CELF4: variants seen among roughly 807,000 people sequenced by gnomAD.
CELF4 encodes CUG-BP- and ETR-3-like factor 4.
Under a neutral mutation model 59.9 loss-of-function variants are expected in CELF4, and 18 were observed. That is an observed-to-expected ratio of 0.30 (90% CI 0.21 to 0.45). The LOEUF (loss-of-function observed/expected upper bound fraction) is 0.45. Ranked by LOEUF, CELF4 falls within the 20% of genes least tolerant of loss-of-function variation. CELF4 has a pLI of 1.00. For missense variants in CELF4, 456 were observed against 689.0 expected (o/e 0.66, Z 3.79); for synonymous variants, 261 against 267.1 (o/e 0.98, Z 0.22).
rs574114570 is a variant in CELF4 at position 37,434,059 on chromosome 18, G to A, written c.369+51466C>T. 1.3e-3 allele frequency among the ~76,000 whole-genome samples: 193 copies of A among 152,350 alleles called. 1 individual carries two copies. The highest frequency in any genetic ancestry group is 4.5e-3 in the African/African-American group (188 of 41,574). On this transcript the variant is annotated intron_variant, in intron 2 of 12. Transcript: ENST00000420428. ...TACAGGCATCTGGGTGCCAAGGGCCGGACTAACAGGGCTTGGTATCTGACG... is the reference window on the plus strand; with the variant it reads ...TACAGGCATCTGGGTGCCAAGGGCCAGACTAACAGGGCTTGGTATCTGACG...
rs36008798 is a variant in CELF4, at chr18:37,441,273, CTGTGTGTG to C, written c.369+44244_369+44251del. ...CCCTACCTCCCAGAACTCAACAATG[CTGTGTGTG>C]TGTGTGTGTGTGTGTGTGTGTGTGT... On this transcript the variant is annotated intron_variant, in intron 2 of 12. Transcript: ENST00000420428. Among the ~76,000 whole-genome samples the C allele has an allele frequency of 2.2e-3, 310 of 143,418 alleles. 1 individual carries two copies. The highest frequency in any genetic ancestry group is 6.5e-3 in the African/African-American group (248 of 38,310). 94.1% of individuals were successfully genotyped at this position (143,418 alleles called of 152,430 possible). A position where few individuals can be genotyped will look rare whatever the true frequency, so the allele number is the denominator to read the frequency against.
At chr18:37,523,502 C>T (rs758935171) in intron 1 of CELF4, among the ~76,000 whole-genome samples, 1 of 152,170 alleles carries the variant, frequency 6.6e-6, no homozygotes, top group East Asian at 1.9e-4. Flanking sequence ...TTGGTGACCC[C>T]GGCTGGGGAG....
rs907024441 is a variant in CELF4, at chr18:37,266,554, C to T, written c.1144G>A (p.Gly382Arg). ...TAACGACCTGCATACTGCTGCACTC[C>T]GGCGTAGGCCTGCTGCAGGGGGTCC... ...AADPLQQAYA[G>R]VQQYAGPAAY... The change falls in exon 9 of 13, where the codon GGA becomes AGA. Residue 382 changes from glycine (G) to arginine (R), a missense_variant. Coordinates refer to ENST00000420428, the MANE Select transcript of CELF4 (RefSeq NM_020180.4). 9 of 1,596,922 alleles carry T rather than the reference C, an allele frequency of 5.6e-6. No individual in the cohort carries two copies. The highest frequency in any genetic ancestry group is 1.8e-5 in the Admixed American group (1 of 56,780).
At position 37,524,621 on chromosome 18, in the gene CELF4, G is replaced by A. The variant is rs112830319; in HGVS notation, c.287-39014C>T. 9.6e-3 allele frequency among the ~76,000 whole-genome samples: 1,456 copies of A among 152,326 alleles called. 25 individuals carry two copies. Among genetic ancestry groups the A allele is most frequent in the African/African-American group, 0.033 (1,366 of 41,576 alleles). On this transcript the variant is annotated intron_variant, in intron 1 of 12. Coordinates refer to ENST00000420428, the MANE Select transcript of CELF4 (RefSeq NM_020180.4). Reference sequence around the variant, plus strand: ...GGAAGATCCACACCGCGGAGCAGCCGTAGGAAATATTGATATTAGCCGACC... The same window carrying A: ...GGAAGATCCACACCGCGGAGCAGCCATAGGAAATATTGATATTAGCCGACC...
At chr18:37,446,281 G>A (rs2099748002) in intron 2 of CELF4, among the ~76,000 whole-genome samples, 1 of 152,172 alleles carries the variant, frequency 6.6e-6, no homozygotes, top group Non-Finnish European at 1.5e-5. Flanking sequence ...TGGAGATCAA[G>A]GACCTTGTAT....
At chr18:37,482,635 A>G (rs777749192) in intron 2 of CELF4, among the ~76,000 whole-genome samples, 1 of 152,168 alleles carries the variant, frequency 6.6e-6, no homozygotes, top group South Asian at 2.1e-4. Context: ...CACTGATCCC[A>G]AGAGAAATGT....
At chr18:37,356,583 G>A (rs1245156842) in intron 2 of CELF4, among the ~76,000 whole-genome samples, 1 of 152,144 alleles carries the variant, frequency 6.6e-6, no homozygotes, top group East Asian at 1.9e-4. Flanking sequence ...AGAGGGAGAA[G>A]TGGATTCAGG....
intron 4 of CELF4, 32 bp downstream of exon 4, chr18:37,275,083 C>A (rs1434211498): frequency 1.2e-6 from 2 of 1,608,758 alleles, no homozygotes; most frequent in Non-Finnish European, 1.7e-6. Context: ...CCCCTCCCTC[C>A]GGGGCATCCC....
At chr18:37,314,417 T>C (rs1268043942) in intron 3 of CELF4, among the ~76,000 whole-genome samples, 1 of 152,084 alleles carries the variant, frequency 6.6e-6, no homozygotes. Context: ...ATAGCACCAC[T>C]GCGCTCCAGC....
At position 37,253,982 on chromosome 18, in the gene CELF4, GC is replaced by G. The variant is rs750867554; in HGVS notation, c.1334-45del. 4.7e-4 allele frequency: 665 copies of G among 1,422,632 alleles called. 1 individual carries two copies. The highest frequency in any genetic ancestry group is 4.0e-3 in the Middle Eastern group (15 of 3,792). 88.1% of individuals were successfully genotyped at this position (1,422,632 alleles called of 1,614,324 possible). A position where few individuals can be genotyped will look rare whatever the true frequency, so the allele number is the denominator to read the frequency against. On this transcript the variant is annotated intron_variant, in intron 11 of 12. Coordinates refer to ENST00000420428, the MANE Select transcript of CELF4 (RefSeq NM_020180.4). The surrounding 1 kb of genome is among the most constrained non-coding windows in gnomAD (Gnocchi z 4.5). ...CGAGGGCCTGGGTTTCCACGGGGCC[GC>G]CCGGGGCGCTGCCGGCGGGGAGGGG... is the stretch of plus-strand genomic sequence containing the variant.
chr18:37,261,946 G>T (rs1391888393), intron 10 of CELF4, among the ~76,000 whole-genome samples: 1 of 152,202 alleles, frequency 6.6e-6, no homozygotes, highest in Admixed American at 6.5e-5. Context: ...AGGGTTGGAG[G>T]AACACAGCCT....
intron 1 of CELF4, among the ~76,000 whole-genome samples, chr18:37,494,500 T>G (rs908954932): frequency 2.0e-5 from 3 of 152,244 alleles, no homozygotes; most frequent in African/African-American, 7.2e-5. Context: ...CAGCAGCTCC[T>G]ACTGGTCCCC....
intron 2 of CELF4, among the ~76,000 whole-genome samples, chr18:37,378,122 T>G (rs1402900375): frequency 6.6e-6 from 1 of 152,154 alleles, no homozygotes; most frequent in Non-Finnish European, 1.5e-5. Flanking sequence ...CCACTCACCT[T>G]GCCCACAGGT....
chr18:37,288,417 A>T (rs1211784361), intron 3 of CELF4, among the ~76,000 whole-genome samples: 1 of 152,238 alleles, frequency 6.6e-6, no homozygotes, highest in Non-Finnish European at 1.5e-5. Flanking sequence ...GGATGATGGC[A>T]GCACACACCA....
intron 1 of CELF4, among the ~76,000 whole-genome samples, chr18:37,506,085 GC>G (rs1165678338): frequency 6.0e-5 from 4 of 66,878 alleles, no homozygotes; most frequent in Non-Finnish European, 8.3e-5. Context: ...CCCCAACGCC[GC>G]CCCCCTGTTC....
intron 2 of CELF4, among the ~76,000 whole-genome samples, chr18:37,406,414 C>T (rs1289865279): frequency 6.6e-6 from 1 of 152,180 alleles, no homozygotes; most frequent in Non-Finnish European, 1.5e-5. Flanking sequence ...CTGCCTCCCA[C>T]ATACGTCCCT....
rs979603727 is a variant in CELF4, at chr18:37,245,644, G to T, written c.*45-447C>A. Among the ~76,000 whole-genome samples, 2 of 152,066 alleles carry T rather than the reference G, an allele frequency of 1.3e-5. No individual in the cohort carries two copies. The highest frequency in any genetic ancestry group is 4.8e-5 in the African/African-American group (2 of 41,398). ...GCCCAGCCCACTCCTCCCAGCTCAA[G>T]GGAAAGAAGGAAGACACATCCGTGA... On this transcript the variant is annotated intron_variant, in intron 12 of 12. Coordinates refer to ENST00000420428, the MANE Select transcript of CELF4 (RefSeq NM_020180.4). The surrounding 1 kb of genome is among the most constrained non-coding windows in gnomAD (Gnocchi z 4.1).
intron 3 of CELF4, among the ~76,000 whole-genome samples, chr18:37,299,803 C>T (rs1473917582): frequency 6.6e-6 from 1 of 152,162 alleles, no homozygotes; most frequent in Non-Finnish European, 1.5e-5. Context: ...CTGCCCTGTG[C>T]TCCCATGCTT....
At chr18:37,491,702 A>G (rs2099906058) in intron 1 of CELF4, among the ~76,000 whole-genome samples, 1 of 152,174 alleles carries the variant, frequency 6.6e-6, no homozygotes, top group Non-Finnish European at 1.5e-5. Flanking sequence ...AGAGGCAGGC[A>G]GCGTGGGCAG....
Sources: gnomAD v4.1 joint callset for allele counts (sites outside exome capture counted in the v4.1 genomes callset) on GRCh38, gnomAD v4.1.1 for gene constraint, Gnocchi (gnomAD v3.1) non-coding constraint, MANE v1.5 for transcripts, NCBI Gene and HGNC (gene_info 2026-07-23, HGNC 2026-07-21) for gene names.